SLC38A11: variants seen among roughly 807,000 people sequenced by gnomAD.
SLC38A11 encodes the protein solute carrier family 38 member 11.
In SLC38A11, 51 loss-of-function variants were observed where a neutral mutation model predicts 49.4. That is an observed-to-expected ratio of 1.03 (90% CI 0.83 to 1.30). The LOEUF is 1.30. Ranked by LOEUF, SLC38A11 falls within the 50% of genes most tolerant of loss-of-function variation. The pLI is 0.00. For missense variants in SLC38A11, 574 were observed against 556.2 expected, an observed-to-expected ratio of 1.03 and a Z score of -0.32; for synonymous variants, 203 against 192.9, an observed-to-expected ratio of 1.05 and a Z score of -0.43.
At chr2:164,925,663 C>A (rs138316731) in intron 7 of SLC38A11, among the ~76,000 whole-genome samples, 1 of 152,100 alleles carries the variant, frequency 6.6e-6, no homozygotes, top group African/African-American at 2.4e-5. Context: ...AGAAGGTAGA[C>A]CTCTGTATGT....
At chr2:164,912,190 G>A (rs908804780) in intron 9 of SLC38A11, 4 of 152,190 alleles carry the variant, frequency 2.6e-5, no homozygotes, top group African/African-American at 7.2e-5. Context: ...TAGATGACCA[G>A]GTCTAAATAA....
intron 11 of SLC38A11, among the ~76,000 whole-genome samples, chr2:164,903,916 C>T (rs1013760131): frequency 5.3e-5 from 8 of 152,074 alleles, no homozygotes; most frequent in Non-Finnish European, 4.4e-5. Context: ...TCAAATGATG[C>T]AAGGAAGCTG....
intron 7 of SLC38A11, among the ~76,000 whole-genome samples, chr2:164,918,965 A>C (rs13432274): frequency 6.6e-6 from 1 of 152,150 alleles, no homozygotes; most frequent in African/African-American, 2.4e-5. Context: ...ACTCAATATC[A>C]TATAAACATC....
At chr2:164,950,092 G>A (rs1219091263) in intron 3 of SLC38A11, 1 of 152,222 alleles carries the variant, frequency 6.6e-6, no homozygotes, top group Non-Finnish European at 1.5e-5. Flanking sequence ...CAAAGAGCTA[G>A]ATGCTGAGAA....
intron 9 of SLC38A11, 80 bp from the exon 10 acceptor site, chr2:164,911,828 A>G (rs1247770236): frequency 1.1e-5 from 8 of 701,352 alleles, no homozygotes; most frequent in Non-Finnish European, 1.8e-5. Context: ...AATATTAGAT[A>G]TTACAGTTAT....
intron 7 of SLC38A11, among the ~76,000 whole-genome samples, chr2:164,921,371 C>T (rs1379017288): frequency 6.6e-6 from 1 of 151,976 alleles, no homozygotes; most frequent in African/African-American, 2.4e-5. Flanking sequence ...CACTGTAACC[C>T]CAGGCAGTGG....
At chr2:164,900,965 G>T (rs1684613972) in intron 11 of SLC38A11, among the ~76,000 whole-genome samples, 1 of 151,944 alleles carries the variant, frequency 6.6e-6, no homozygotes, top group African/African-American at 2.4e-5. Context: ...TATCCATTTG[G>T]AATTGATTTT....
At chr2:164,923,056 C>A (rs1686323109) in intron 7 of SLC38A11, among the ~76,000 whole-genome samples, 1 of 152,118 alleles carries the variant, frequency 6.6e-6, no homozygotes. Context: ...CTACCTTTTT[C>A]CATATACAAA....
At chr2:164,923,988 T>A (rs554015155) in intron 7 of SLC38A11, among the ~76,000 whole-genome samples, 8 of 152,102 alleles carry the variant, frequency 5.3e-5, no homozygotes, top group African/African-American at 1.7e-4. Context: ...GGAAAATAAA[T>A]CACTCTACAA....
intron 7 of SLC38A11, among the ~76,000 whole-genome samples, chr2:164,932,498 A>G (rs1051865835): frequency 6.6e-6 from 1 of 152,168 alleles, no homozygotes; most frequent in African/African-American, 2.4e-5. Flanking sequence ...CTAAATGTCC[A>G]TTAATGGCAG....
chr2:164,949,648 T>A (rs1226000202), intron 3 of SLC38A11, among the ~76,000 whole-genome samples: 3 of 152,216 alleles, frequency 2.0e-5, no homozygotes, highest in Non-Finnish European at 4.4e-5. Context: ...TAGGAACTGC[T>A]TCACAAAAAA....
intron 9 of SLC38A11, 129 bp downstream of exon 9, chr2:164,914,983 A>T: frequency 2.5e-6 from 2 of 789,416 alleles, no homozygotes; most frequent in Non-Finnish European, 1.8e-6. Context: ...GCAGGAGGGT[A>T]GAGAGAATGG....
intron 9 of SLC38A11, chr2:164,911,973 G>T (rs1685436443): frequency 3.1e-6 from 1 of 318,110 alleles, no homozygotes; most frequent in South Asian, 5.7e-5. Flanking sequence ...TGCTGTAGAG[G>T]TTTATAGCCT....
chr2:164,907,183 C>G (rs1307450941), intron 11 of SLC38A11, among the ~76,000 whole-genome samples: 6 of 151,902 alleles, frequency 3.9e-5, no homozygotes. Flanking sequence ...CCTGTCTTCC[C>G]AATGGAATCT....
chr2:164,921,523 G>T (rs1052688734), intron 7 of SLC38A11, among the ~76,000 whole-genome samples: 1 of 151,488 alleles, frequency 6.6e-6, no homozygotes, highest in African/African-American at 2.4e-5. Context: ...AGAGGTGGGG[G>T]TCTTGCTATG....
chr2:164,921,414 T>C (rs1686194484), intron 7 of SLC38A11, among the ~76,000 whole-genome samples: 1 of 152,110 alleles, frequency 6.6e-6, no homozygotes, highest in Admixed American at 6.6e-5. Flanking sequence ...CTCAAACTCC[T>C]GGCCTCAAGA....
At chr2:164,902,060 G>T (rs1424519006) in intron 11 of SLC38A11, among the ~76,000 whole-genome samples, 1 of 147,908 alleles carries the variant, frequency 6.8e-6, no homozygotes, top group African/African-American at 2.5e-5. Flanking sequence ...TGGAGACAGG[G>T]TCTCACTCTG....
Position 164,915,795 on chromosome 2 carries a change from T to C in SLC38A11, c.688+108A>G, listed in dbSNP as rs977631141. ...TAGATCATATGCTGCTAATAGGAAG[T>C]CTAAAACTTAGGACATCTGCTATCC... On this transcript the variant is annotated intron_variant, in intron 8 of 11. Transcript: ENST00000685975. 3.8e-6 allele frequency: 3 copies of C among 785,306 alleles called. No homozygotes were observed. In the Admixed American group the frequency reaches 6.4e-5, roughly 17 times the overall value. The allele number at this position is 785,306 out of a possible 1,614,324, so 48.6% of individuals were successfully genotyped here. A position where few individuals can be genotyped will look rare whatever the true frequency, so the allele number is the denominator to read the frequency against.
At chr2:164,942,145 T>A (rs72884486) in intron 5 of SLC38A11, among the ~76,000 whole-genome samples, 10,461 of 152,134 alleles carry the variant, frequency 0.069, 399 homozygotes, top group Admixed American at 0.1. Flanking sequence ...AAATTAGTAA[T>A]TCTCTTTTGA....
Sources: gnomAD v4.1 joint callset for allele counts (sites outside exome capture counted in the v4.1 genomes callset) on GRCh38, gnomAD v4.1.1 for gene constraint, MANE v1.5 for transcripts, NCBI Gene and HGNC (gene_info 2026-07-23, HGNC 2026-07-21) for gene names.